Variants in UBR4 observed in about 807,000 individuals in gnomAD.
UBR4 encodes E3 ubiquitin-protein ligase UBR4.
Under a neutral mutation model 575.6 loss-of-function variants are expected in UBR4, and 124 were observed. The observed-to-expected ratio is 0.22, with a 90% CI of 0.19 to 0.25. The LOEUF is 0.25. UBR4 is among the 10% of genes least tolerant of loss of function. UBR4 has a pLI of 1.00. For missense variants in UBR4, 4,818 were observed against 6,478.8 expected (o/e 0.74, Z 8.80); for synonymous variants, 2,455 against 2,473.7 (o/e 0.99, Z 0.22).
At chr1:19,097,518 C>A (rs1240685224) in intron 90 of UBR4, among the ~76,000 whole-genome samples, 1 of 152,214 alleles carries the variant, frequency 6.6e-6, no homozygotes, top group Non-Finnish European at 1.5e-5. Context: ...AAGACACTAT[C>A]TCCTTCAATT....
rs1171493731 is a variant in UBR4, at chr1:19,152,661, T to C, written c.6833-185A>G. 6.6e-6 allele frequency among the ~76,000 whole-genome samples: 1 copy of C among 152,244 alleles called. No homozygotes were observed. Among genetic ancestry groups the C allele is most frequent in the Non-Finnish European group, 1.5e-5 (1 of 68,038 alleles). On this transcript the variant is annotated intron_variant, in intron 46 of 105. Transcript: ENST00000375254. The surrounding 1 kb of genome is among the most constrained non-coding windows in gnomAD (Gnocchi z 4.4). Reference sequence around the variant, plus strand: ...CTCCAATGGTTGTTATCCCTAACTATGACATGTCCTAGCAATACCAAGAAA... The same window carrying C: ...CTCCAATGGTTGTTATCCCTAACTACGACATGTCCTAGCAATACCAAGAAA...
chr1:19,152,284 G>C lies in UBR4; in HGVS notation c.6996+29C>G, dbSNP rs2085845632. 1.2e-6 allele frequency: 2 copies of C among 1,612,174 alleles called. No homozygotes were observed. The highest frequency in any genetic ancestry group is 1.7e-5 in the Admixed American group (1 of 59,970). ...TATTGTTTGAGTCCTTCTACCCAGG[G>C]ATTGATCCCAGCCCAGTGCCATTCT... On this transcript the variant is annotated intron_variant, in intron 47 of 105. Transcript: ENST00000375254. This position sits in a 1 kb window ranked among gnomAD's most constrained non-coding sequence, Gnocchi z 4.4.
chr1:19,104,510 C>G (rs2078982397), intron 86 of UBR4, 75 bp downstream of exon 86: 2 of 1,502,954 alleles, frequency 1.3e-6, no homozygotes, highest in African/African-American at 2.7e-5. Flanking sequence ...GAGTCAACCC[C>G]AGCACCCAAG....
At chr1:19,131,360 G>T (rs2082432952) in intron 60 of UBR4, among the ~76,000 whole-genome samples, 1 of 149,296 alleles carries the variant, frequency 6.7e-6, no homozygotes. Context: ...TTTCAACCAA[G>T]CAAAAACTGA....
At chr1:19,102,512 A>C (rs139100412) in intron 87 of UBR4, among the ~76,000 whole-genome samples, 6 of 151,478 alleles carry the variant, frequency 4.0e-5, no homozygotes, top group Middle Eastern at 3.4e-3. Flanking sequence ...CAATAAGGCA[A>C]ACGAGGTTCC....
chr1:19,169,360 T>C, intron 27 of UBR4, 75 bp downstream of exon 27: 1 of 1,299,062 alleles, frequency 7.7e-7, no homozygotes, highest in East Asian at 2.5e-5. Flanking sequence ...TTAAGCCTAA[T>C]TCCTTTAGGC....
intron 34 of UBR4, among the ~76,000 whole-genome samples, chr1:19,162,875 AT>A (rs2087618829): frequency 6.6e-6 from 1 of 152,214 alleles, no homozygotes; most frequent in African/African-American, 2.4e-5. Context: ...ATGAAGTAGG[AT>A]TGAAATTAGA....
chr1:19,113,061 A>T, intron 77 of UBR4, 194 bp from the exon 78 acceptor site: 2 of 600,900 alleles, frequency 3.3e-6, no homozygotes, highest in Non-Finnish European at 5.5e-6. Flanking sequence ...AAGTGGCTTG[A>T]CCAAGATAAG....
At chr1:19,187,973 T>C (rs2091706699) in intron 11 of UBR4, among the ~76,000 whole-genome samples, 1 of 151,690 alleles carries the variant, frequency 6.6e-6, no homozygotes, top group South Asian at 2.1e-4. Context: ...GAGGCTGAGG[T>C]GCACCACTGC....
chr1:19,192,713 G>A (rs1279243833), intron 9 of UBR4, among the ~76,000 whole-genome samples, 173 bp from the exon 10 acceptor site: 1 of 151,862 alleles, frequency 6.6e-6, no homozygotes, highest in Non-Finnish European at 1.5e-5. Context: ...TTTTCATTTG[G>A]ATCAAATGTC....
At position 19,088,809 on chromosome 1, in the gene UBR4, G is replaced by A. The variant is rs1308272000; in HGVS notation, c.14380C>T (p.Arg4794Cys). The change falls in exon 98 of 106, where the codon CGC (arginine) becomes TGC (cysteine). Residue 4794 changes from arginine to cysteine, a missense_variant. Arg to Cys is a radical substitution (Grantham distance 180). Coordinates refer to ENST00000375254, the MANE Select transcript of UBR4 (RefSeq NM_020765.3). The surrounding 1 kb of genome is among the most constrained non-coding windows in gnomAD (Gnocchi z 4.0). ...ARRETRAEKK[R>C]MAMAMRQKAL... ...TTCTGCCTCATTGCCATGGCCATGC[G>A]CTTCTTCTCTGCCCGGGTCTCCCTG... 7 of 1,614,102 alleles carry A rather than the reference G, an allele frequency of 4.3e-6. No individual in the cohort carries two copies. Among genetic ancestry groups the A allele is most frequent in the South Asian group, 2.2e-5 (2 of 91,072 alleles).
In UBR4 at chr1:19,160,215, T is replaced by C; in HGVS notation, c.5473A>G (p.Asn1825Asp). Reference sequence around the variant, plus strand: ...CCGACGGCTGAAGCTTGCTGGAAGTTGGTCTGAATGGCATCCATAAGGAAA... The same window carrying C: ...CCGACGGCTGAAGCTTGCTGGAAGTCGGTCTGAATGGCATCCATAAGGAAA... The part of the protein sequence containing the change: ...LNFLMDAIQT[N>D]FQQASAVGSS... Residue 1825 changes from asparagine (N) to aspartate (D), a missense_variant, in exon 39 of 106, where the codon AAC (asparagine) becomes GAC (aspartate). By Grantham distance (23) the Asn-to-Asp change is conservative (BLOSUM62 1). Coordinates refer to ENST00000375254, the MANE Select transcript of UBR4 (RefSeq NM_020765.3). 6.2e-7 allele frequency: 1 copy of C among 1,613,470 alleles called. No homozygotes were observed. Among genetic ancestry groups the C allele is most frequent in the Non-Finnish European group, 8.5e-7 (1 of 1,179,960 alleles).
chr1:19,094,700 T>C (rs976148920), intron 94 of UBR4, among the ~76,000 whole-genome samples: 1 of 152,260 alleles, frequency 6.6e-6, no homozygotes, highest in Non-Finnish European at 1.5e-5. Context: ...TGAAAGACTA[T>C]CCTTAGCAAT....
At chr1:19,128,842 G>A in intron 61 of UBR4, 136 bp downstream of exon 61, 1 of 725,356 alleles carries the variant, frequency 1.4e-6, no homozygotes, top group East Asian at 2.6e-5. Context: ...ATAATTTGTA[G>A]CTCAAAAATT....
chr1:19,084,770 C>T, intron 101 of UBR4, 72 bp from the exon 102 acceptor site: 1 of 1,444,030 alleles, frequency 6.9e-7, no homozygotes, highest in Non-Finnish European at 9.5e-7. Flanking sequence ...GAGACAGAGC[C>T]TCCTTCCAGT....
intron 47 of UBR4, 76 bp from the exon 48 acceptor site, chr1:19,151,935 A>T: frequency 7.6e-7 from 1 of 1,307,792 alleles, no homozygotes; most frequent in Non-Finnish European, 1.0e-6. Context: ...CTTCTCTGAC[A>T]TTGTCTCAAC....
At chr1:19,175,519 A>G (rs998183077) in intron 20 of UBR4, among the ~76,000 whole-genome samples, 2 of 152,242 alleles carry the variant, frequency 1.3e-5, no homozygotes, top group Admixed American at 1.3e-4. Context: ...TCCTCAGGGT[A>G]AGTGCAAACA....
intron 17 of UBR4, among the ~76,000 whole-genome samples, chr1:19,181,765 G>A (rs984644232): frequency 2.0e-5 from 3 of 152,166 alleles, no homozygotes; most frequent in Admixed American, 2.0e-4. Flanking sequence ...TAGGTACCAA[G>A]CACTATTTTT....
chr1:19,096,926 G>A (rs2078114552), intron 91 of UBR4, among the ~76,000 whole-genome samples: 1 of 151,594 alleles, frequency 6.6e-6, no homozygotes, highest in Non-Finnish European at 1.5e-5. Flanking sequence ...GGGAGAGGGA[G>A]TTAAAAATAA....
Sources: gnomAD v4.1 joint callset for allele counts (sites outside exome capture counted in the v4.1 genomes callset) on GRCh38, gnomAD v4.1.1 for gene constraint, Gnocchi (gnomAD v3.1) non-coding constraint, MANE v1.5 for transcripts, NCBI Gene and HGNC (gene_info 2026-07-23, HGNC 2026-07-21) for gene names.